MAP3K7: variants seen among roughly 807,000 people sequenced by gnomAD.
The protein encoded by MAP3K7 is mitogen-activated protein kinase kinase kinase 7.
MAP3K7 carries 21 observed loss-of-function variants against 84.8 expected under a neutral mutation model. That is an observed-to-expected ratio of 0.25 (90% CI 0.18 to 0.36). The LOEUF is 0.36. Ranked by LOEUF, MAP3K7 falls within the 10% of genes least tolerant of loss-of-function variation. MAP3K7 has a pLI of 1.00. For synonymous variants in MAP3K7, 241 were observed against 247.7 expected (o/e 0.97, Z 0.25); for missense variants, 503 against 747.7 (o/e 0.67, Z 3.82).
intron 1 of MAP3K7, among the ~76,000 whole-genome samples, chr6:90,586,195 A>T (rs1582255828): frequency 6.6e-6 from 1 of 151,300 alleles, no homozygotes; most frequent in Non-Finnish European, 1.5e-5. Context: ...ACAAGGTGAA[A>T]CCCCGTCTCT....
chr6:90,536,249 T>C (rs1775673214), intron 13 of MAP3K7, 88 bp downstream of exon 13: 3 of 1,079,802 alleles, frequency 2.8e-6, no homozygotes, highest in African/African-American at 1.6e-5. Flanking sequence ...GGTCAACTCA[T>C]AAAACTAATT....
intron 16 of MAP3K7, among the ~76,000 whole-genome samples, chr6:90,517,753 T>C (rs1775013957): frequency 6.6e-6 from 1 of 151,744 alleles, no homozygotes; most frequent in Non-Finnish European, 1.5e-5. Context: ...AGAAAGCTTT[T>C]CGCAAATTCA....
chr6:90,585,148 G>A (rs1777402270), intron 1 of MAP3K7, among the ~76,000 whole-genome samples: 1 of 152,204 alleles, frequency 6.6e-6, no homozygotes, highest in South Asian at 2.1e-4. Context: ...CTTTCTTAGA[G>A]TAAACTAAAA....
At chr6:90,546,261 C>T (rs1033578826) in intron 11 of MAP3K7, among the ~76,000 whole-genome samples, 1 of 151,632 alleles carries the variant, frequency 6.6e-6, no homozygotes, top group Non-Finnish European at 1.5e-5. Flanking sequence ...CTGAAAAGAG[C>T]TCCACACACA....
At chr6:90,562,208 T>C (rs1776542101) in intron 3 of MAP3K7, among the ~76,000 whole-genome samples, 1 of 152,138 alleles carries the variant, frequency 6.6e-6, no homozygotes, top group South Asian at 2.1e-4. Context: ...AGGTACAGGG[T>C]TCATCTCACT....
intron 10 of MAP3K7, among the ~76,000 whole-genome samples, chr6:90,547,727 CTT>C (rs1387568666): frequency 6.6e-6 from 1 of 152,088 alleles, no homozygotes; most frequent in Admixed American, 6.6e-5. Flanking sequence ...AAATGATAGA[CTT>C]AGAACAACTC....
At chr6:90,516,800 T>C (rs1480690961) in intron 16 of MAP3K7, 119 bp from the exon 17 acceptor site, 1 of 728,188 alleles carries the variant, frequency 1.4e-6, no homozygotes, top group Non-Finnish European at 2.2e-6. Context: ...GCATCTTAGG[T>C]ACACTAATCA....
In MAP3K7 at chr6:90,518,233, T is replaced by A. The variant is rs187432764; in HGVS notation, c.1640+214A>T. ...CTCTGAGAACATAAAACAACAAGTATAAAGCACCAGTTTATTTTCCATAGC... is the reference window on the plus strand; with the variant it reads ...CTCTGAGAACATAAAACAACAAGTAAAAAGCACCAGTTTATTTTCCATAGC... On this transcript the variant is annotated intron_variant, in intron 16 of 16. Coordinates refer to ENST00000369329, the MANE Select transcript of MAP3K7 (RefSeq NM_145331.3). Among the ~76,000 whole-genome samples, 5 of 151,850 alleles carry A rather than the reference T, an allele frequency of 3.3e-5. No individual in the cohort carries two copies. The East Asian group carries it at 7.7e-4, about 23-fold the overall frequency.
chr6:90,567,166 G>T lies in MAP3K7; in HGVS notation c.297+1392C>A, dbSNP rs971973857. Among the ~76,000 whole-genome samples, 6 of 151,484 alleles carry T rather than the reference G, an allele frequency of 4.0e-5. No homozygotes were observed. In the East Asian group the frequency reaches 9.6e-4, roughly 24 times the overall value. ...ACATAGGCATGGGCAAGGACTTCAG[G>T]ACTAAAACACCAAAAGCAATGGCAA... On this transcript the variant is annotated intron_variant, in intron 3 of 16. Transcript: ENST00000369329.
intron 13 of MAP3K7, among the ~76,000 whole-genome samples, chr6:90,524,447 T>C (rs1775256540): frequency 6.6e-6 from 1 of 152,146 alleles, no homozygotes. Context: ...ATGGAACGTA[T>C]ACATTCAAAT....
chr6:90,565,953 T>C (rs9359893), intron 3 of MAP3K7, among the ~76,000 whole-genome samples: 6,040 of 152,122 alleles, frequency 0.04, 150 homozygotes, highest in African/African-American at 0.065. Flanking sequence ...ACAGAACCAA[T>C]GACAAAAACC....
At chr6:90,543,859 T>C (rs1775924380) in intron 12 of MAP3K7, among the ~76,000 whole-genome samples, 1 of 152,084 alleles carries the variant, frequency 6.6e-6, no homozygotes, top group African/African-American at 2.4e-5. Flanking sequence ...CTCTATGAAA[T>C]GATCACCATA....
rs369502085 is a variant in MAP3K7, at chr6:90,548,223, A to G, written c.950-46T>C. Reference sequence around the variant, plus strand: ...TATGACTAATGGCTGGAAATAATACAAATGCTTCACTTGGTATTATGTAAC... The same window carrying G: ...TATGACTAATGGCTGGAAATAATACGAATGCTTCACTTGGTATTATGTAAC... On this transcript the variant is annotated intron_variant, in intron 9 of 16. Transcript: ENST00000369329. The G allele has an allele frequency of 3.0e-5, 46 of 1,533,706 alleles. No individual in the cohort carries two copies. The African/African-American group carries it at 5.9e-4, about 20-fold the overall frequency.
In MAP3K7 at chr6:90,523,651, A is replaced by G. The variant is rs766853610; in HGVS notation, c.1462+27T>C. ...ATATAAACATGACTGATTCAACTTCATAAGTATGAAGAAACAGACTGGTCA... is the reference window on the plus strand; with the variant it reads ...ATATAAACATGACTGATTCAACTTCGTAAGTATGAAGAAACAGACTGGTCA... On this transcript the variant is annotated intron_variant, in intron 14 of 16. Transcript: ENST00000369329. The G allele has an allele frequency of 1.2e-5, 17 of 1,458,692 alleles. 1 individual carries two copies. Among genetic ancestry groups the G allele is most frequent in the Middle Eastern group, 1.7e-4 (1 of 5,828 alleles). 90.4% of individuals were successfully genotyped at this position (1,458,692 alleles called of 1,614,324 possible).
chr6:90,521,257 C>CGT (rs59945419), intron 14 of MAP3K7, among the ~76,000 whole-genome samples: 1,807 of 148,636 alleles, frequency 0.012, 47 homozygotes, highest in East Asian at 0.087. Context: ...AAGTTTTTTG[C>CGT]GTGTGTGTGT....
At chr6:90,546,026 C>T (rs1284648879) in intron 11 of MAP3K7, among the ~76,000 whole-genome samples, 1 of 152,132 alleles carries the variant, frequency 6.6e-6, no homozygotes, top group Non-Finnish European at 1.5e-5. Flanking sequence ...GGAAGCTATA[C>T]AGTAGGGATT....
Position 90,541,094 on chromosome 6 carries a change from T to G in MAP3K7, c.1291+3458A>C, listed in dbSNP as rs139239175. 1.0e-3 allele frequency among the ~76,000 whole-genome samples: 158 copies of G among 152,038 alleles called. No homozygotes were observed. The South Asian group carries it at 0.011, about 10-fold the overall frequency. On this transcript the variant is annotated intron_variant, in intron 12 of 16. Transcript: ENST00000369329. ...TGATCTGTGTTCTTACTGCCCTTAT[T>G]AAAGTCCTAGAACAAAAAAAATCTA...
intron 1 of MAP3K7, among the ~76,000 whole-genome samples, chr6:90,584,991 T>G (rs553845046): frequency 1.3e-5 from 2 of 152,310 alleles, no homozygotes; most frequent in Admixed American, 1.3e-4. Flanking sequence ...ATACAGGTCT[T>G]CTTTTAGCCA....
At chr6:90,524,205 G>C (rs1434194496) in intron 13 of MAP3K7, among the ~76,000 whole-genome samples, 1 of 152,004 alleles carries the variant, frequency 6.6e-6, no homozygotes, top group African/African-American at 2.4e-5. Context: ...CTCAGCAAAG[G>C]CTTCACTCTC....
Sources: allele counts gnomAD v4.1 joint callset (sites outside exome capture counted in the v4.1 genomes callset), GRCh38; gene constraint gnomAD v4.1.1; transcripts MANE v1.5; gene names NCBI Gene and HGNC (gene_info 2026-07-23, HGNC 2026-07-21).